The following SARNP variants were observed in gnomAD, a reference collection of about 807,000 sequenced individuals.
SARNP encodes SAP domain containing ribonucleoprotein, also known as SAP domain-containing ribonucleoprotein.
SARNP carries 5 observed loss-of-function variants against 38.1 expected under a neutral mutation model. The observed-to-expected ratio is 0.13, with a 90% CI of 0.07 to 0.28. SARNP has a LOEUF of 0.28. Among genes scored for constraint, SARNP ranks in the 10% least tolerant of loss-of-function variants. The pLI is 1.00. For synonymous variants in SARNP, 84 were observed against 80.6 expected, an observed-to-expected ratio of 1.04 and a Z score of -0.23; for missense variants, 180 against 243.9, an observed-to-expected ratio of 0.74 and a Z score of 1.75.
intron 9 of SARNP, among the ~76,000 whole-genome samples, chr12:55,786,727 G>A (rs2136192680): frequency 6.6e-6 from 1 of 152,244 alleles, no homozygotes; most frequent in Non-Finnish European, 1.5e-5. Context: ...GGGATTACAG[G>A]AGTGAGCCAC....
At chr12:55,769,848 G>C (rs1478473100) in intron 9 of SARNP, among the ~76,000 whole-genome samples, 3 of 152,176 alleles carry the variant, frequency 2.0e-5, no homozygotes, top group African/African-American at 7.2e-5. Context: ...ACTAATATAA[G>C]TGTTCTGGGA....
At chr12:55,794,562 T>C (rs1476107966) in intron 6 of SARNP, among the ~76,000 whole-genome samples, 175 bp from the exon 7 acceptor site, 1 of 152,184 alleles carries the variant, frequency 6.6e-6, no homozygotes, top group African/African-American at 2.4e-5. Flanking sequence ...AAGGAAGCCT[T>C]ATCAGAATTA....
chr12:55,808,422 A>G (rs1208826504), intron 1 of SARNP, among the ~76,000 whole-genome samples: 1 of 151,730 alleles, frequency 6.6e-6, no homozygotes, highest in African/African-American at 2.4e-5. Context: ...GAGTTCAAGC[A>G]ATTCTGCCTC....
At chr12:55,774,217 G>A (rs186338834) in intron 9 of SARNP, among the ~76,000 whole-genome samples, 3 of 152,020 alleles carry the variant, frequency 2.0e-5, no homozygotes, top group African/African-American at 7.2e-5. Context: ...TGCACAGGCT[G>A]GTCTCAATTC....
chr12:55,784,323 A>C (rs1879426117), intron 9 of SARNP, among the ~76,000 whole-genome samples: 1 of 152,184 alleles, frequency 6.6e-6, no homozygotes, highest in South Asian at 2.1e-4. Flanking sequence ...AGTTCCGTAA[A>C]CACAAACTTA....
chr12:55,815,178 C>T (rs1204506552), intron 1 of SARNP, among the ~76,000 whole-genome samples: 1 of 152,188 alleles, frequency 6.6e-6, no homozygotes, highest in Non-Finnish European at 1.5e-5. Context: ...CCACTTCAGC[C>T]TCCTGAGGAG....
chr12:55,763,308 C>CT (rs34618547), intron 9 of SARNP, among the ~76,000 whole-genome samples: 11,721 of 146,066 alleles, frequency 0.08, 650 homozygotes, highest in African/African-American at 0.15. Flanking sequence ...TCATTTACTA[C>CT]TTTTTTTTTT....
At chr12:55,768,487 C>T (rs142915990) in intron 9 of SARNP, among the ~76,000 whole-genome samples, 5 of 141,812 alleles carry the variant, frequency 3.5e-5, no homozygotes, top group Non-Finnish European at 7.7e-5. Flanking sequence ...TGTAGTGGCG[C>T]GATCTCGGCT....
chr12:55,787,838 T>TC (rs1231399200), intron 9 of SARNP, among the ~76,000 whole-genome samples: 2 of 151,164 alleles, frequency 1.3e-5, no homozygotes, highest in Admixed American at 1.3e-4. Flanking sequence ...AAGCTCCCCC[T>TC]CCCAGGTTCA....
At chr12:55,807,833 T>C (rs1250032877) in intron 1 of SARNP, among the ~76,000 whole-genome samples, 1 of 147,372 alleles carries the variant, frequency 6.8e-6, no homozygotes, top group African/African-American at 2.5e-5. Context: ...AAAAAAAAAA[T>C]TTTTTTTAAG....
At chr12:55,807,466 T>TA (rs1202256228) in intron 1 of SARNP, among the ~76,000 whole-genome samples, 1 of 151,788 alleles carries the variant, frequency 6.6e-6, no homozygotes, top group African/African-American at 2.4e-5. Flanking sequence ...ATCCAGAAGT[T>TA]AGAGACCAGC....
rs11412761 is a variant in SARNP at position 55,813,539 on chromosome 12, A to ATTTT, written c.36+4123_36+4126dup. ...GAATTTTGGACACAGGCTGCCTGGA[A>ATTTT]TTTTTTTTTTTTTTTTTTTTTTGAG... On this transcript the variant is annotated intron_variant, in intron 1 of 10. Coordinates refer to ENST00000336133, the MANE Select transcript of SARNP (RefSeq NM_033082.4). 3.4e-4 allele frequency among the ~76,000 whole-genome samples: 37 copies of ATTTT among 108,036 alleles called. 1 individual carries two copies. The highest frequency in any genetic ancestry group is 9.0e-4 in the South Asian group (3 of 3,334). The allele number at this position is 108,036 out of a possible 152,430, so 70.9% of individuals were successfully genotyped here.
chr12:55,807,618 C>A (rs1222149598), intron 1 of SARNP, among the ~76,000 whole-genome samples: 2 of 145,894 alleles, frequency 1.4e-5, no homozygotes, highest in Non-Finnish European at 3.0e-5. Context: ...CTGGCTAGCA[C>A]GGTGAAACCC....
At chr12:55,782,072 T>G (rs188713864) in intron 9 of SARNP, among the ~76,000 whole-genome samples, 5 of 152,194 alleles carry the variant, frequency 3.3e-5, no homozygotes, top group African/African-American at 9.6e-5. Context: ...GTGGCAAAAA[T>G]CATAAACCTG....
At chr12:55,811,953 T>C (rs935209641) in intron 1 of SARNP, among the ~76,000 whole-genome samples, 3 of 152,230 alleles carry the variant, frequency 2.0e-5, no homozygotes, top group African/African-American at 7.2e-5. Context: ...TCTTCAGCCC[T>C]TGCCTCACTA....
intron 1 of SARNP, among the ~76,000 whole-genome samples, chr12:55,807,813 CA>C (rs57965695): frequency 0.17 from 14,771 of 89,436 alleles, 1,516 homozygotes; most frequent in African/African-American, 0.36. Context: ...GACTTTGTCT[CA>C]AAAAAAAAAA....
At chr12:55,790,484 C>T in intron 8 of SARNP, 83 bp downstream of exon 8, 1 of 1,406,984 alleles carries the variant, frequency 7.1e-7, no homozygotes, top group South Asian at 1.4e-5. Context: ...AGAGTTTCCT[C>T]TAATCTGGGG....
At chr12:55,778,115 C>A (rs1237018624) in intron 9 of SARNP, among the ~76,000 whole-genome samples, 1 of 152,056 alleles carries the variant, frequency 6.6e-6, no homozygotes, top group African/African-American at 2.4e-5. Context: ...AAACTGAGGT[C>A]AGAGAGTTTC....
chr12:55,792,382 T>A (rs944957221), intron 7 of SARNP, among the ~76,000 whole-genome samples: 1 of 151,956 alleles, frequency 6.6e-6, no homozygotes, highest in African/African-American at 2.4e-5. Flanking sequence ...GTTCTTTTTG[T>A]TTTTTTGAGA....
Sources: allele counts gnomAD v4.1 joint callset (sites outside exome capture counted in the v4.1 genomes callset), GRCh38; gene constraint gnomAD v4.1.1; transcripts MANE v1.5; gene names NCBI Gene and HGNC (gene_info 2026-07-23, HGNC 2026-07-21).